The following ROBO2 variants were observed in gnomAD, a reference collection of about 807,000 sequenced individuals.
ROBO2 encodes roundabout homolog 2.
A neutral mutation model predicts 160.8 loss-of-function variants in ROBO2; 53 were observed. The observed-to-expected ratio is 0.33, with a 90% CI of 0.26 to 0.41. The LOEUF (loss-of-function observed/expected upper bound fraction) is 0.41. Ranked by LOEUF, ROBO2 falls within the 10% of genes least tolerant of loss-of-function variation. The pLI is 1.00. For missense variants in ROBO2, 1,577 were observed against 1,722.4 expected (o/e 0.92, Z 1.49); for synonymous variants, 664 against 611.7 (o/e 1.09, Z -1.26).
At chr3:77,049,392 A>G (rs1332952148) in intron 1 of ROBO2, among the ~76,000 whole-genome samples, 1 of 152,178 alleles carries the variant, frequency 6.6e-6, no homozygotes, top group Non-Finnish European at 1.5e-5. Flanking sequence ...TCCATCTTTA[A>G]AAACAATAAC....
At chr3:76,862,098 AGAAG>A (rs2070844596) in intron 2 of ROBO2, among the ~76,000 whole-genome samples, 1 of 152,070 alleles carries the variant, frequency 6.6e-6, no homozygotes. Context: ...AAGGAAAGAA[AGAAG>A]GAAGGAAGAA....
intron 2 of ROBO2, among the ~76,000 whole-genome samples, chr3:77,288,205 G>A (rs779470606): frequency 2.0e-5 from 3 of 152,156 alleles, no homozygotes; most frequent in African/African-American, 4.8e-5. Flanking sequence ...AGCTAGTTTC[G>A]ATGGCAAGAA....
At chr3:77,280,127 C>T (rs149310452) in intron 2 of ROBO2, among the ~76,000 whole-genome samples, 82 of 152,232 alleles carry the variant, frequency 5.4e-4, no homozygotes, top group African/African-American at 1.9e-3. Context: ...CTCTCACCTA[C>T]ATCTCTTCAC....
intron 2 of ROBO2, among the ~76,000 whole-genome samples, chr3:77,153,984 T>TAC (rs752724680): frequency 1.3e-5 from 2 of 152,118 alleles, no homozygotes; most frequent in Admixed American, 6.6e-5. Flanking sequence ...CTCCTTTCTA[T>TAC]ACACATTTAG....
intron 2 of ROBO2, among the ~76,000 whole-genome samples, chr3:76,942,608 C>T (rs1385128694): frequency 6.6e-6 from 1 of 152,180 alleles, no homozygotes; most frequent in Non-Finnish European, 1.5e-5. Context: ...TGGCTATATA[C>T]ACTCATATCC....
chr3:77,208,152 A>G (rs13073489), intron 2 of ROBO2, among the ~76,000 whole-genome samples: 30,183 of 152,132 alleles, frequency 0.2, 3,403 homozygotes, highest in Middle Eastern at 0.32. Flanking sequence ...GAGCAGATTG[A>G]TCAGGAAATT....
At chr3:76,069,955 G>A (rs1351503345) in intron 2 of ROBO2, among the ~76,000 whole-genome samples, 9 of 152,056 alleles carry the variant, frequency 5.9e-5, no homozygotes, top group South Asian at 2.1e-4. Flanking sequence ...AAGATTTCAC[G>A]GACACTTATC....
At chr3:76,036,010 A>G (rs1284937648) in intron 2 of ROBO2, among the ~76,000 whole-genome samples, 2 of 151,840 alleles carry the variant, frequency 1.3e-5, no homozygotes, top group African/African-American at 4.9e-5. Context: ...TTTAACTTAC[A>G]TTTCTAAAGC....
At chr3:77,153,321 A>G (rs1299419160) in intron 2 of ROBO2, among the ~76,000 whole-genome samples, 1 of 151,844 alleles carries the variant, frequency 6.6e-6, no homozygotes, top group Non-Finnish European at 1.5e-5. Flanking sequence ...TTCATATTTG[A>G]TGGATTGTAT....
chr3:77,117,182 T>G (rs1345284061), intron 2 of ROBO2, among the ~76,000 whole-genome samples: 2 of 152,210 alleles, frequency 1.3e-5, no homozygotes, highest in Non-Finnish European at 2.9e-5. Flanking sequence ...ACTTACATTT[T>G]GGATTTGATG....
intron 16 of ROBO2, 148 bp from the exon 18 acceptor site, chr3:77,588,603 C>A: frequency 1.4e-6 from 1 of 718,976 alleles, no homozygotes; most frequent in Non-Finnish European, 2.3e-6. Context: ...AAATTATGGG[C>A]TATGCTTATC....
At chr3:77,303,220 G>A (rs1292230905) in intron 2 of ROBO2, among the ~76,000 whole-genome samples, 4 of 152,086 alleles carry the variant, frequency 2.6e-5, no homozygotes, top group African/African-American at 9.7e-5. Context: ...TTGTAGGTAT[G>A]GAGTACCATA....
chr3:77,409,346 A>G (rs1300733866), intron 2 of ROBO2, among the ~76,000 whole-genome samples: 1 of 151,964 alleles, frequency 6.6e-6, no homozygotes, highest in African/African-American at 2.4e-5. Flanking sequence ...TGTATTGAGG[A>G]AAAAAATGAT....
intron 2 of ROBO2, among the ~76,000 whole-genome samples, chr3:77,133,478 T>TTATCAAATAAATCAA (rs2076024646): frequency 6.6e-6 from 1 of 152,190 alleles, no homozygotes; most frequent in Non-Finnish European, 1.5e-5. Flanking sequence ...ATCTTGACAT[T>TTATCAAATAAATCAA]ATATTTATCA....
chr3:76,393,164 A>T (rs2077240979), intron 2 of ROBO2, among the ~76,000 whole-genome samples: 1 of 152,136 alleles, frequency 6.6e-6, no homozygotes, highest in Non-Finnish European at 1.5e-5. Flanking sequence ...GCTTGTTAAA[A>T]ATACAGATGT....
intron 2 of ROBO2, among the ~76,000 whole-genome samples, chr3:77,373,827 C>T (rs2072182867): frequency 6.7e-6 from 1 of 149,186 alleles, no homozygotes; most frequent in Admixed American, 6.7e-5. Context: ...CATTCACTCC[C>T]ACAGGGGTGA....
At chr3:76,184,594 T>TAGATAGATAGATAGATA (rs1553669361) in intron 2 of ROBO2, among the ~76,000 whole-genome samples, 1 of 124,764 alleles carries the variant, frequency 8.0e-6, no homozygotes, top group Non-Finnish European at 1.6e-5. Context: ...GATAGATAGA[T>TAGATAGATAGATAGATA]AAGAGGGGAT....
At chr3:77,171,224 A>AAAG (rs2079602474) in intron 2 of ROBO2, among the ~76,000 whole-genome samples, 1 of 152,194 alleles carries the variant, frequency 6.6e-6, no homozygotes, top group Non-Finnish European at 1.5e-5. Flanking sequence ...TAACTGGCAA[A>AAAG]CAACAAGAGA....
At chr3:77,354,686 A>G (rs1382948741) in intron 2 of ROBO2, among the ~76,000 whole-genome samples, 1 of 152,160 alleles carries the variant, frequency 6.6e-6, no homozygotes, top group Non-Finnish European at 1.5e-5. Flanking sequence ...ATTTTTTTGA[A>G]TTATAACATG....
Sources: gnomAD v4.1 joint callset for allele counts (sites outside exome capture counted in the v4.1 genomes callset) on GRCh38, gnomAD v4.1.1 for gene constraint, MANE v1.5 for transcripts, NCBI Gene and HGNC (gene_info 2026-07-23, HGNC 2026-07-21) for gene names.